Variants in ZNF676 observed in about 807,000 individuals in gnomAD.
ZNF676 encodes zinc finger protein 676.
A neutral mutation model predicts 6.0 loss-of-function variants in ZNF676; 4 were observed. The ratio of observed to expected loss-of-function variants is 0.67; its 90% confidence interval spans 0.33 to 1.53. The LOEUF (loss-of-function observed/expected upper bound fraction) is 1.53. ZNF676 is among the 40% of genes most tolerant of loss of function. The pLI is 0.06. For synonymous variants in ZNF676, 198 were observed against 223.1 expected (o/e 0.89, Z 1.00); for missense variants, 644 against 679.7 (o/e 0.95, Z 0.58).
the ZNF676 span, chr19:22,245,242 C>T: frequency 6.6e-6 from 1 of 152,150 alleles, no homozygotes; most frequent in African/African-American, 2.4e-5. Flanking sequence ...AAAGGATAGT[C>T]ACATCATTTA....
chr19:22,258,581 G>A, the ZNF676 span, among the ~76,000 whole-genome samples: 10 of 152,182 alleles, frequency 6.6e-5, no homozygotes, highest in African/African-American at 1.2e-4. Context: ...ACAGCGATAC[G>A]TCAGAATGCT....
Position 22,180,841 on chromosome 19 carries a change from C to A in ZNF676, c.876G>T (p.Ser292=), listed in dbSNP as rs578027971. The change falls in exon 3 of 3, where the codon TCG becomes TCT. Residue 292 remains serine, a synonymous_variant. Coordinates refer to ENST00000397121, the MANE Select transcript of ZNF676 (RefSeq NM_001001411.3). ...KCEECGKASN[S]SSKLMEHKRI... ...TCTTATGTTCCATGAGCTTTGAGGA[C>A]GAGTTGGAAGCTTTGCCACATTCTT... 6.3e-7 allele frequency: 1 copy of A among 1,581,838 alleles called. No individual in the cohort carries two copies. Among genetic ancestry groups the A allele is most frequent in the African/African-American group, 1.4e-5 (1 of 71,380 alleles).
chr19:22,253,469 T>G, the ZNF676 span, among the ~76,000 whole-genome samples: 1 of 133,288 alleles, frequency 7.5e-6, no homozygotes, highest in Non-Finnish European at 1.6e-5. Flanking sequence ...AATGTGTGTA[T>G]ATATATGATA....
At chr19:22,183,561 C>A (rs2023791151) in intron 2 of ZNF676, among the ~76,000 whole-genome samples, 1 of 80,458 alleles carries the variant, frequency 1.2e-5, no homozygotes, top group Admixed American at 1.2e-4. Context: ...TGGTCTGGAA[C>A]CCCTCACACC....
At chr19:22,216,988 G>C (rs535540154), upstream of ZNF676, among the ~76,000 whole-genome samples, 9 of 151,440 alleles carry the variant, frequency 5.9e-5, no homozygotes, top group African/African-American at 2.2e-4. Flanking sequence ...GAGTTTGGAG[G>C]TTTTTATTTT....
At chr19:22,240,457 T>A in the ZNF676 span, among the ~76,000 whole-genome samples, 5 of 151,842 alleles carry the variant, frequency 3.3e-5, no homozygotes, top group South Asian at 2.1e-4. Flanking sequence ...CACATCACCT[T>A]TGTGCTGGGC....
the ZNF676 span, among the ~76,000 whole-genome samples, chr19:22,246,256 T>G: frequency 5.8e-4 from 88 of 152,278 alleles, no homozygotes; most frequent in East Asian, 2.1e-3. Context: ...TAGACCCAGT[T>G]ATTTGTCACA....
At chr19:22,230,593 C>A in the ZNF676 span, among the ~76,000 whole-genome samples, 11 of 150,724 alleles carry the variant, frequency 7.3e-5, no homozygotes, top group Admixed American at 6.0e-4. Context: ...TATATGAATG[C>A]ATATATATGT....
chr19:22,188,615 T>C (rs982443998), intron 2 of ZNF676, among the ~76,000 whole-genome samples: 25 of 152,134 alleles, frequency 1.6e-4, no homozygotes, highest in Admixed American at 1.4e-3. Flanking sequence ...GAAAACCCCA[T>C]TGTCTCAGCC....
chr19:22,212,905 G>A (rs1963004030), intron 1 of ZNF676, among the ~76,000 whole-genome samples: 1 of 151,754 alleles, frequency 6.6e-6, no homozygotes, highest in African/African-American at 2.4e-5. Flanking sequence ...TGCGGCAGAA[G>A]AATTGCTTTA....
chr19:22,230,879 C>T, the ZNF676 span, among the ~76,000 whole-genome samples: 4 of 151,286 alleles, frequency 2.6e-5, no homozygotes, highest in East Asian at 5.8e-4. Context: ...AGGCTGGTCT[C>T]GAACTCCTAA....
upstream of ZNF676, among the ~76,000 whole-genome samples, chr19:22,218,976 T>A (rs376045526): frequency 6.6e-6 from 1 of 151,200 alleles, no homozygotes. Flanking sequence ...GCTTTGACTA[T>A]GGAGGCTCTC....
chr19:22,228,677 G>C, the ZNF676 span, among the ~76,000 whole-genome samples: 3 of 152,106 alleles, frequency 2.0e-5, no homozygotes, highest in Non-Finnish European at 4.4e-5. Context: ...CAAAATCAAT[G>C]TGCAAAAATC....
In ZNF676 at chr19:22,185,831, G is replaced by C. The variant is rs184366026; in HGVS notation, c.131-4245C>G. Among the ~76,000 whole-genome samples the C allele has an allele frequency of 1.5e-3, 232 of 151,976 alleles. 1 individual carries two copies. Among genetic ancestry groups the C allele is most frequent in the African/African-American group, 5.5e-3 (229 of 41,358 alleles). ...AATAAAGCAAGAATACAAGATTAGA[G>C]AAAAAAGAATAAAGAGAAACAAACA... On this transcript the variant is annotated intron_variant, in intron 2 of 2. Transcript: ENST00000397121.
intron 1 of ZNF676, among the ~76,000 whole-genome samples, chr19:22,208,306 G>C (rs184652849): frequency 4.8e-4 from 72 of 149,826 alleles, no homozygotes; most frequent in African/African-American, 1.8e-3. Context: ...AAAGATGTTT[G>C]TCTTCAAAAG....
At chr19:22,195,259 A>G (rs1197452250) in intron 1 of ZNF676, among the ~76,000 whole-genome samples, 1 of 152,176 alleles carries the variant, frequency 6.6e-6, no homozygotes, top group East Asian at 1.9e-4. Context: ...AAACTAAAGG[A>G]AAGAAATTTT....
At position 22,182,179 on chromosome 19, in the gene ZNF676, T is replaced by C. The variant is rs1027071289; in HGVS notation, c.131-593A>G. ...CTTTTCAGAAGAAACATAAATAGTCTCTTTTAACTAAAAATAAACACAAAA... is the reference window on the plus strand; with the variant it reads ...CTTTTCAGAAGAAACATAAATAGTCCCTTTTAACTAAAAATAAACACAAAA... On this transcript the variant is annotated intron_variant, in intron 2 of 2. Coordinates refer to ENST00000397121, the MANE Select transcript of ZNF676 (RefSeq NM_001001411.3). Among the ~76,000 whole-genome samples the C allele has an allele frequency of 7.7e-4, 117 of 152,128 alleles. 1 individual carries two copies. The highest frequency in any genetic ancestry group is 2.7e-3 in the African/African-American group (112 of 41,506).
chr19:22,230,787 T>C, the ZNF676 span, among the ~76,000 whole-genome samples: 3 of 152,034 alleles, frequency 2.0e-5, no homozygotes, highest in East Asian at 5.8e-4. Flanking sequence ...GCTTCCCAAA[T>C]AGCTGAGATC....
At chr19:22,190,921 A>T (rs2023899386) in intron 2 of ZNF676, among the ~76,000 whole-genome samples, 1 of 152,030 alleles carries the variant, frequency 6.6e-6, no homozygotes, top group African/African-American at 2.4e-5. Flanking sequence ...AGATAGATAG[A>T]TATAAAGCAA....
Sources: allele counts gnomAD v4.1 joint callset (sites outside exome capture counted in the v4.1 genomes callset), GRCh38; gene constraint gnomAD v4.1.1; transcripts MANE v1.5; gene names NCBI Gene and HGNC (gene_info 2026-07-23, HGNC 2026-07-21).